GLRX3: variants seen among roughly 807,000 people sequenced by gnomAD.
GLRX3 encodes glutaredoxin 3.
GLRX3 carries 22 observed loss-of-function variants against 49.5 expected under a neutral mutation model. That is an observed-to-expected ratio of 0.44 (90% CI 0.32 to 0.63). GLRX3 has a LOEUF of 0.63. GLRX3 is among the 30% of genes least tolerant of loss of function. The pLI, the probability that GLRX3 is intolerant of heterozygous loss-of-function variation, is 0.05. For missense variants in GLRX3, 385 were observed against 396.3 expected (o/e 0.97, Z 0.24); for synonymous variants, 133 against 140.0 (o/e 0.95, Z 0.35).
intron 3 of GLRX3, 21 bp downstream of exon 3, chr10:130,160,090 A>G: frequency 1.4e-6 from 2 of 1,462,274 alleles, no homozygotes; most frequent in Non-Finnish European, 1.9e-6. Flanking sequence ...AGGTGGTACA[A>G]GAGATTATCC....
At chr10:130,162,455 G>A (rs1022940552) in intron 4 of GLRX3, among the ~76,000 whole-genome samples, 6 of 152,150 alleles carry the variant, frequency 3.9e-5, no homozygotes, top group Non-Finnish European at 5.9e-5. Flanking sequence ...GGTTGCAAAT[G>A]GTTCACATTC....
intron 1 of GLRX3, among the ~76,000 whole-genome samples, chr10:130,137,701 T>C (rs1286677739): frequency 1.3e-5 from 2 of 152,158 alleles, no homozygotes; most frequent in Non-Finnish European, 2.9e-5. Flanking sequence ...CAGTAGGAAG[T>C]AGAATGGTTC....
chr10:130,170,987 G>A (rs756901614), intron 7 of GLRX3, among the ~76,000 whole-genome samples: 1 of 152,182 alleles, frequency 6.6e-6, no homozygotes, highest in East Asian at 1.9e-4. Flanking sequence ...AGTTTGCTGG[G>A]CGTGGTGGCG....
chr10:130,158,569 A>G (rs1862520048), intron 2 of GLRX3, among the ~76,000 whole-genome samples: 1 of 152,204 alleles, frequency 6.6e-6, no homozygotes, highest in African/African-American at 2.4e-5. Context: ...CTGAATGCCC[A>G]GTGCGTAGTG....
chr10:130,178,277 T>G (rs564133427), intron 10 of GLRX3, among the ~76,000 whole-genome samples: 6 of 152,192 alleles, frequency 3.9e-5, no homozygotes, highest in African/African-American at 1.4e-4. Context: ...AGACAGAGTC[T>G]CACTCTGTCA....
rs115192481 is a variant in GLRX3 at position 130,175,865 on chromosome 10, A to G, written c.957+776A>G. ...ACTGCACCCCAGGCCCACTGTGGGCATGGTGGCATCGAGGAGGGTGGTAGC... is the reference window on the plus strand; with the variant it reads ...ACTGCACCCCAGGCCCACTGTGGGCGTGGTGGCATCGAGGAGGGTGGTAGC... On this transcript the variant is annotated intron_variant, in intron 10 of 10. Coordinates refer to ENST00000331244, the MANE Select transcript of GLRX3 (RefSeq NM_006541.5). Among the ~76,000 whole-genome samples the G allele has an allele frequency of 9.4e-3, 1,428 of 152,324 alleles. 20 individuals carry two copies. The highest frequency in any genetic ancestry group is 0.033 in the African/African-American group (1,360 of 41,576).
At chr10:130,169,377 A>C in intron 6 of GLRX3, 56 bp from the exon 7 acceptor site, 2 of 1,034,866 alleles carry the variant, frequency 1.9e-6, no homozygotes, top group Non-Finnish European at 3.1e-6. Flanking sequence ...GAAGCGGAGG[A>C]AAAGTGGTGT....
In GLRX3 at chr10:130,179,330, T is replaced by G; in HGVS notation, c.958-12T>G. 1 of 1,266,166 alleles carries G rather than the reference T, an allele frequency of 7.9e-7. No individual in the cohort carries two copies. The highest frequency in any genetic ancestry group is 1.1e-6 in the Non-Finnish European group (1 of 877,040). 78.4% of individuals were successfully genotyped at this position (1,266,166 alleles called of 1,614,324 possible). The stretch of plus-strand genomic sequence containing the variant: ...GCATATACATATTATTATTGTTGTT[T>G]TTTATTTTTAGGAACTGAAAGAAAA... On this transcript the variant is annotated splice_polypyrimidine_tract_variant and intron_variant, in intron 10 of 10. Transcript: ENST00000331244.
intron 2 of GLRX3, among the ~76,000 whole-genome samples, chr10:130,148,999 A>C (rs1057243275): frequency 1.3e-5 from 2 of 152,170 alleles, no homozygotes; most frequent in Non-Finnish European, 2.9e-5. Context: ...TAGAGGCTGC[A>C]GTGAGCTATG....
intron 2 of GLRX3, among the ~76,000 whole-genome samples, chr10:130,153,957 G>C (rs1308430166): frequency 6.6e-6 from 1 of 152,174 alleles, no homozygotes; most frequent in Non-Finnish European, 1.5e-5. Context: ...CCCAGTTTGA[G>C]CTTCCCTGCC....
At chr10:130,146,989 G>A (rs543627869) in intron 2 of GLRX3, among the ~76,000 whole-genome samples, 13 of 152,298 alleles carry the variant, frequency 8.5e-5, no homozygotes, top group East Asian at 5.8e-4. Context: ...CCGTTCCTCT[G>A]TTGTCACCCT....
intron 8 of GLRX3, 77 bp from the exon 9 acceptor site, chr10:130,174,790 A>G: frequency 1.1e-6 from 1 of 915,754 alleles, no homozygotes; most frequent in Non-Finnish European, 1.8e-6. Context: ...TGATTATTTT[A>G]AAAACATCAA....
intron 4 of GLRX3, among the ~76,000 whole-genome samples, chr10:130,161,295 T>C (rs1862572383): frequency 6.6e-6 from 1 of 152,246 alleles, no homozygotes; most frequent in Admixed American, 6.5e-5. Context: ...CAAGGTCACC[T>C]GGTAAGCAGA....
intron 2 of GLRX3, among the ~76,000 whole-genome samples, 179 bp downstream of exon 2, chr10:130,145,498 A>G (rs757475220): frequency 4.6e-5 from 7 of 152,004 alleles, no homozygotes; most frequent in Admixed American, 6.6e-5. Context: ...CCCTGTCTCT[A>G]CTAAAATACA....
chr10:130,160,142 C>A, intron 3 of GLRX3, 73 bp downstream of exon 3: 1 of 871,228 alleles, frequency 1.1e-6, no homozygotes, highest in Non-Finnish European at 2.0e-6. Context: ...GTTTCTTTAC[C>A]CTCTCTCTAA....
intron 2 of GLRX3, among the ~76,000 whole-genome samples, chr10:130,157,333 GGGAGGGATGGGGCA>G (rs1862489256): frequency 6.6e-6 from 1 of 151,298 alleles, no homozygotes; most frequent in Non-Finnish European, 1.5e-5. Context: ...GGCTCCAGGA[GGGAGGGATGGGGCA>G]GGAGGGGTGG....
chr10:130,138,947 T>C (rs976014741), intron 1 of GLRX3, among the ~76,000 whole-genome samples: 6 of 144,036 alleles, frequency 4.2e-5, no homozygotes, highest in African/African-American at 1.6e-4. Flanking sequence ...CTGCAACCTC[T>C]GCCTCACGGG....
At chr10:130,158,655 T>G (rs1162765606) in intron 2 of GLRX3, among the ~76,000 whole-genome samples, 1 of 152,212 alleles carries the variant, frequency 6.6e-6, no homozygotes, top group Non-Finnish European at 1.5e-5. Flanking sequence ...CCCTAGTCAT[T>G]AACTTTTCTG....
chr10:130,141,572 ACAG>A (rs1402809329), intron 1 of GLRX3, among the ~76,000 whole-genome samples: 1 of 152,178 alleles, frequency 6.6e-6, no homozygotes, highest in Admixed American at 6.5e-5. Flanking sequence ...GTAGAATCAT[ACAG>A]TTCTTTGTCT....
Sources: gnomAD v4.1 joint callset for allele counts (sites outside exome capture counted in the v4.1 genomes callset) on GRCh38, gnomAD v4.1.1 for gene constraint, MANE v1.5 for transcripts, NCBI Gene and HGNC (gene_info 2026-07-23, HGNC 2026-07-21) for gene names.